TRPM1: variants seen among roughly 807,000 people sequenced by gnomAD.
TRPM1 encodes TRPM1-203 APA Isoform, Intron 10.
In TRPM1, 113 loss-of-function variants were observed where a neutral mutation model predicts 149.4. The observed-to-expected ratio is 0.76, with a 90% CI of 0.65 to 0.88. The LOEUF (loss-of-function observed/expected upper bound fraction) is 0.88. Among genes scored for constraint, TRPM1 ranks in the 40% least tolerant of loss-of-function variants. The probability of loss-of-function intolerance (pLI) is 0.00; values close to 1 mark genes in which losing one functional copy is unlikely to be tolerated. For synonymous variants in TRPM1, 741 were observed against 759.5 expected (o/e 0.98, Z 0.40); for missense variants, 1,976 against 2,038.7 (o/e 0.97, Z 0.59).
Position 31,037,785 on chromosome 15 carries a change from GT to G in TRPM1, c.2496del (p.Lys832AsnfsTer60), listed in dbSNP as rs761882630. 3 of 1,614,062 alleles carry G rather than the reference GT, an allele frequency of 1.9e-6. No individual in the cohort carries two copies. In the Admixed American group the frequency reaches 5.0e-5, roughly 27 times the overall value. On this transcript the variant is annotated frameshift_variant, in exon 20 of 28. Transcript: ENST00000256552. LOFTEE classifies it high-confidence loss of function. ...TTTGTTCCGATGGGAATACTTCTCT[GT>G]TTTTTGTGCTCGTTCTCCTCATCCC... ...RKGDEENEHK[K>X]QRSIPIGTKI...
At chr15:31,098,696 G>A (rs186310949) in intron 1 of TRPM1, among the ~76,000 whole-genome samples, 1 of 152,198 alleles carries the variant, frequency 6.6e-6, no homozygotes, top group Admixed American at 6.5e-5. Flanking sequence ...GAGAGCCAGG[G>A]CCACCTGCCA....
At chr15:31,139,409 T>C (rs1226079418) in intron 1 of TRPM1, among the ~76,000 whole-genome samples, 1 of 152,182 alleles carries the variant, frequency 6.6e-6, no homozygotes, top group African/African-American at 2.4e-5. Context: ...GGAGAGAAAC[T>C]ATTTGAAAAC....
intron 1 of TRPM1, among the ~76,000 whole-genome samples, chr15:31,157,380 C>T (rs2036391308): frequency 6.6e-6 from 1 of 152,148 alleles, no homozygotes; most frequent in Admixed American, 6.6e-5. Flanking sequence ...TCTTCTACAG[C>T]ATGAATGTGA....
At chr15:31,138,872 T>C (rs1447648461) in intron 1 of TRPM1, among the ~76,000 whole-genome samples, 1 of 152,144 alleles carries the variant, frequency 6.6e-6, no homozygotes, top group African/African-American at 2.4e-5. Context: ...TTTCTATATG[T>C]AAATAATTAG....
intron 1 of TRPM1, among the ~76,000 whole-genome samples, chr15:31,136,370 G>A (rs1465582759): frequency 6.6e-6 from 1 of 152,222 alleles, no homozygotes; most frequent in Non-Finnish European, 1.5e-5. Flanking sequence ...ACCACAAGGT[G>A]GATGTCACAG....
At chr15:31,070,288 A>G in intron 3 of TRPM1, 62 bp from the exon 4 acceptor site, 1 of 1,523,136 alleles carries the variant, frequency 6.6e-7, no homozygotes. Context: ...CTTCATTAGC[A>G]AAAATGAATT....
chr15:31,086,212 C>G (rs2034995183), intron 1 of TRPM1, among the ~76,000 whole-genome samples: 2 of 152,184 alleles, frequency 1.3e-5, no homozygotes, highest in African/African-American at 4.8e-5. Flanking sequence ...AACCATGGGG[C>G]ATCAGACCAG....
At chr15:31,093,455 A>C (rs1303791842) in intron 1 of TRPM1, among the ~76,000 whole-genome samples, 1 of 152,140 alleles carries the variant, frequency 6.6e-6, no homozygotes, top group Non-Finnish European at 1.5e-5. Flanking sequence ...CTAGAAATAA[A>C]TTTAACCAAA....
intron 27 of TRPM1, among the ~76,000 whole-genome samples, chr15:31,020,940 G>A (rs1199072330): frequency 6.6e-6 from 1 of 152,086 alleles, no homozygotes; most frequent in Non-Finnish European, 1.5e-5. Flanking sequence ...AGGCAAGAAC[G>A]AAGCCACACC....
chr15:31,058,999 CT>C (rs2034157438), intron 11 of TRPM1, among the ~76,000 whole-genome samples: 1 of 152,180 alleles, frequency 6.6e-6, no homozygotes, highest in Admixed American at 6.5e-5. Flanking sequence ...AGGAGAATCG[CT>C]TGAATCCGGG....
At chr15:31,102,269 G>A (rs2035532645), upstream of TRPM1, among the ~76,000 whole-genome samples, 1 of 152,194 alleles carries the variant, frequency 6.6e-6, no homozygotes, top group African/African-American at 2.4e-5. Context: ...TTGCCTGCTT[G>A]GCATCCACAG....
At chr15:31,124,578 C>A (rs1034645014) in intron 1 of TRPM1, among the ~76,000 whole-genome samples, 2 of 148,388 alleles carry the variant, frequency 1.3e-5, no homozygotes, top group Non-Finnish European at 3.0e-5. Flanking sequence ...AGATGGAACC[C>A]GGGAGGCGGA....
At chr15:31,076,125 C>CT (rs1162042490) in intron 3 of TRPM1, among the ~76,000 whole-genome samples, 2 of 123,696 alleles carry the variant, frequency 1.6e-5, no homozygotes, top group East Asian at 3.4e-4. Context: ...CATTTCTTAC[C>CT]TCGGGGGGCA....
At chr15:31,048,837 G>A (rs528400394) in intron 13 of TRPM1, among the ~76,000 whole-genome samples, 88 of 152,212 alleles carry the variant, frequency 5.8e-4, no homozygotes, top group Non-Finnish European at 1.1e-3. Flanking sequence ...AATTCACCAA[G>A]TTTTAGCAAG....
intron 11 of TRPM1, among the ~76,000 whole-genome samples, chr15:31,054,546 C>G (rs1186854858): frequency 6.6e-6 from 1 of 152,192 alleles, no homozygotes; most frequent in Non-Finnish European, 1.5e-5. Context: ...CCACCCGCCT[C>G]AGCCTTCCAA....
intron 14 of TRPM1, 56 bp from the exon 15 acceptor site, chr15:31,047,307 C>T (rs2033803555): frequency 6.2e-7 from 1 of 1,605,698 alleles, no homozygotes; most frequent in Non-Finnish European, 8.5e-7. Flanking sequence ...GTGTGGACTT[C>T]ATCACACGTC....
intron 2 of TRPM1, among the ~76,000 whole-genome samples, chr15:31,078,777 G>A (rs954660548): frequency 1.3e-5 from 2 of 152,224 alleles, no homozygotes; most frequent in Non-Finnish European, 2.9e-5. Flanking sequence ...TGCATCTCAT[G>A]CCTTACTTCC....
At chr15:31,089,598 C>A (rs1382867341) in intron 1 of TRPM1, among the ~76,000 whole-genome samples, 1 of 152,158 alleles carries the variant, frequency 6.6e-6, no homozygotes, top group Non-Finnish European at 1.5e-5. Context: ...TCGAGGAGGC[C>A]CAGGGTCACT....
intron 27 of TRPM1, among the ~76,000 whole-genome samples, chr15:31,008,847 C>T (rs2032085444): frequency 6.6e-6 from 1 of 152,162 alleles, no homozygotes; most frequent in Non-Finnish European, 1.5e-5. Context: ...TTCCCATAGC[C>T]CTTTGTGCTG....
Sources: allele counts gnomAD v4.1 joint callset (sites outside exome capture counted in the v4.1 genomes callset), GRCh38; gene constraint gnomAD v4.1.1; transcripts MANE v1.5; gene names NCBI Gene and HGNC (gene_info 2026-07-23, HGNC 2026-07-21).